Variants in PLCG2 observed in about 807,000 individuals in gnomAD.
PLCG2 encodes the protein 1-phosphatidylinositol 4,5-bisphosphate phosphodiesterase gamma-2.
A neutral mutation model predicts 175.6 loss-of-function variants in PLCG2; 69 were observed. The ratio of observed to expected loss-of-function variants is 0.39; its 90% CI spans 0.32 to 0.48. The LOEUF (loss-of-function observed/expected upper bound fraction) is 0.48, where lower values mean the gene tolerates loss of function less well. Among genes scored for constraint, PLCG2 ranks in the 20% least tolerant of loss-of-function variants. The pLI, the probability that PLCG2 is intolerant of heterozygous loss-of-function variation, is 0.91. For missense variants in PLCG2, 1,798 were observed against 1,650.9 expected (o/e 1.09, Z -1.54); for synonymous variants, 827 against 624.0 (o/e 1.33, Z -4.85).
chr16:81,886,163 A>G (rs997910919), intron 9 of PLCG2, among the ~76,000 whole-genome samples: 21 of 152,244 alleles, frequency 1.4e-4, no homozygotes, highest in Admixed American at 2.6e-4. Context: ...TGGTAGGGAG[A>G]CTGGGGCGTG....
intron 2 of PLCG2, among the ~76,000 whole-genome samples, chr16:81,836,164 T>C (rs1905504961): frequency 6.6e-6 from 1 of 152,148 alleles, no homozygotes; most frequent in Non-Finnish European, 1.5e-5. Flanking sequence ...AACTAGTGTT[T>C]TCATACCCTA....
intron 2 of PLCG2, among the ~76,000 whole-genome samples, chr16:81,820,801 A>G (rs1371526672): frequency 2.0e-5 from 3 of 151,018 alleles, no homozygotes; most frequent in African/African-American, 4.9e-5. Context: ...TTGTATTTTT[A>G]GTAGAGGCAG....
chr16:81,833,535 C>T (rs1567488494), intron 2 of PLCG2, among the ~76,000 whole-genome samples: 2 of 137,478 alleles, frequency 1.5e-5, no homozygotes, highest in Non-Finnish European at 1.6e-5. Flanking sequence ...TTAAAAAAAT[C>T]TTTTTTTTTT....
At chr16:81,881,475 G>C (rs1908077074) in intron 8 of PLCG2, among the ~76,000 whole-genome samples, 1 of 152,216 alleles carries the variant, frequency 6.6e-6, no homozygotes, top group Non-Finnish European at 1.5e-5. Flanking sequence ...GGGAATTTCT[G>C]AGATGTTATG....
intron 2 of PLCG2, among the ~76,000 whole-genome samples, chr16:81,818,976 A>G (rs753578494): frequency 4.7e-5 from 7 of 148,078 alleles, no homozygotes; most frequent in Non-Finnish European, 1.0e-4. Flanking sequence ...GGTATTTCCA[A>G]CACTGTCATC....
intron 19 of PLCG2, among the ~76,000 whole-genome samples, chr16:81,915,023 C>T (rs1330266472): frequency 6.6e-6 from 1 of 152,256 alleles, no homozygotes; most frequent in Non-Finnish European, 1.5e-5. Context: ...CCAGGACACA[C>T]ACTTTTTCAA....
At chr16:81,847,567 G>T (rs1597352354) in intron 2 of PLCG2, among the ~76,000 whole-genome samples, 1 of 152,124 alleles carries the variant, frequency 6.6e-6, no homozygotes, top group African/African-American at 2.4e-5. Flanking sequence ...GGGTGTTAGG[G>T]GTTGTGTGCC....
Position 81,937,806 on chromosome 16 carries a change from C to G in PLCG2, c.3101C>G (p.Thr1034Arg). ...GCATTGTTTTCTCTCAATGGGCGCACGGGCTACGTTCTGCAGCCTGAGAGC... is the reference window on the plus strand; with the variant it reads ...GCATTGTTTTCTCTCAATGGGCGCAGGGGCTACGTTCTGCAGCCTGAGAGC... The part of the protein sequence containing the change: ...NHALFSLNGR[T>R]GYVLQPESMR... Residue 1034 changes from threonine to arginine, a missense_variant, in exon 28 of 33, where the codon ACG becomes AGG. Thr to Arg is a moderately conservative substitution (Grantham distance 71). Coordinates refer to ENST00000564138, the MANE Select transcript of PLCG2 (RefSeq NM_002661.5). The G allele has an allele frequency of 6.2e-7, 1 of 1,613,820 alleles. No individual in the cohort carries two copies. Among genetic ancestry groups the G allele is most frequent in the Non-Finnish European group, 8.5e-7 (1 of 1,179,744 alleles).
chr16:81,853,729 G>T (rs548089839), intron 2 of PLCG2, among the ~76,000 whole-genome samples: 9 of 152,196 alleles, frequency 5.9e-5, no homozygotes, highest in African/African-American at 9.6e-5. Context: ...GTTAAAACAG[G>T]TCACAGAGAC....
chr16:81,855,962 C>T (rs1012539735), intron 3 of PLCG2, among the ~76,000 whole-genome samples: 5 of 152,318 alleles, frequency 3.3e-5, no homozygotes, highest in African/African-American at 1.2e-4. Context: ...CTTAGCCCCA[C>T]CTGCAGGCTG....
Position 81,959,344 on chromosome 16 carries a change from C to T in PLCG2, c.*1346C>T, listed in dbSNP as rs1911697488. The T allele has an allele frequency of 4.5e-6, 1 of 221,538 alleles. No individual in the cohort carries two copies. The highest frequency in any genetic ancestry group is 2.2e-5 in the African/African-American group (1 of 44,662). The allele number at this position is 221,538 out of a possible 1,614,324, so 13.7% of individuals were successfully genotyped here. A position where few individuals can be genotyped will look rare whatever the true frequency, so the allele number is the denominator to read the frequency against. On this transcript the variant is annotated 3_prime_UTR_variant, in exon 33 of 33. Transcript: ENST00000564138. ...ATGCATGTACTGCTGAAAAGCAGGG[C>T]AGAACAAATCAGGCTCTGACCAGAA...
intron 1 of PLCG2, among the ~76,000 whole-genome samples, chr16:81,743,402 C>T (rs952421061): frequency 6.6e-6 from 1 of 152,068 alleles, no homozygotes; most frequent in African/African-American, 2.4e-5. Flanking sequence ...TTGACTGGAC[C>T]GACTGGCACA....
intron 2 of PLCG2, among the ~76,000 whole-genome samples, chr16:81,790,572 G>A (rs901600072): frequency 6.6e-6 from 1 of 152,212 alleles, no homozygotes; most frequent in Non-Finnish European, 1.5e-5. Context: ...GTTCTGGTTA[G>A]CAGGAACTTG....
chr16:81,917,632 A>G (rs893758273), intron 19 of PLCG2, among the ~76,000 whole-genome samples: 1 of 152,330 alleles, frequency 6.6e-6, no homozygotes, highest in Admixed American at 6.5e-5. Context: ...TTATCTGATG[A>G]TTAGTGATGC....
intron 2 of PLCG2, among the ~76,000 whole-genome samples, chr16:81,759,042 A>C (rs1023249377): frequency 6.6e-6 from 1 of 152,174 alleles, no homozygotes; most frequent in Non-Finnish European, 1.5e-5. Flanking sequence ...TATGGTTTTA[A>C]TTTACATTTC....
At chr16:81,848,104 C>T (rs1327908550) in intron 2 of PLCG2, among the ~76,000 whole-genome samples, 1 of 152,172 alleles carries the variant, frequency 6.6e-6, no homozygotes, top group Non-Finnish European at 1.5e-5. Context: ...TTCCAGTAAT[C>T]AGTACAGGTG....
At chr16:81,859,796 A>C (rs1209026077) in intron 5 of PLCG2, among the ~76,000 whole-genome samples, 1 of 152,112 alleles carries the variant, frequency 6.6e-6, no homozygotes, top group African/African-American at 2.4e-5. Context: ...TTGGCCTCCC[A>C]AAGTCCTGGG....
At chr16:81,841,275 C>T (rs973169385) in intron 2 of PLCG2, among the ~76,000 whole-genome samples, 2 of 151,656 alleles carry the variant, frequency 1.3e-5, no homozygotes, top group Admixed American at 6.6e-5. Context: ...CTCACTGAGT[C>T]GCCTAGGCTG....
intron 2 of PLCG2, among the ~76,000 whole-genome samples, chr16:81,834,284 T>C (rs1183016495): frequency 6.6e-6 from 1 of 152,142 alleles, no homozygotes; most frequent in African/African-American, 2.4e-5. Flanking sequence ...TCTGTCCCAG[T>C]AGGTGTTTCT....
Sources: allele counts gnomAD v4.1 joint callset (sites outside exome capture counted in the v4.1 genomes callset), GRCh38; gene constraint gnomAD v4.1.1; transcripts MANE v1.5; gene names NCBI Gene and HGNC (gene_info 2026-07-23, HGNC 2026-07-21).